Variants in NIBAN1 observed in about 807,000 individuals in gnomAD.
NIBAN1 encodes the protein niban apoptosis regulator 1.
A neutral mutation model predicts 75.1 loss-of-function variants in NIBAN1; 81 were observed. The observed-to-expected ratio is 1.08, with a 90% CI of 0.90 to 1.30. The LOEUF (loss-of-function observed/expected upper bound fraction) is 1.30. NIBAN1 is among the 50% of genes most tolerant of loss of function. The pLI, the probability that NIBAN1 is intolerant of heterozygous loss-of-function variation, is 0.00. For synonymous variants in NIBAN1, 436 were observed against 424.8 expected, an observed-to-expected ratio of 1.03 and a Z score of -0.32; for missense variants, 1,133 against 1,128.1, an observed-to-expected ratio of 1.00 and a Z score of -0.06.
chr1:184,860,078 A>T, intron 5 of NIBAN1, among the ~76,000 whole-genome samples: 1 of 152,200 alleles, frequency 6.6e-6, no homozygotes, highest in East Asian at 1.9e-4. Context: ...AAAGGCTGGA[A>T]GAATAGACCC....
At chr1:184,912,826 C>T (rs546036767) in intron 1 of NIBAN1, among the ~76,000 whole-genome samples, 67 of 152,252 alleles carry the variant, frequency 4.4e-4, no homozygotes, top group African/African-American at 1.5e-3. Flanking sequence ...ATAGCATTTA[C>T]GTGCAAACTA....
In NIBAN1 at chr1:184,831,904, G is replaced by A. The variant is rs775565377; in HGVS notation, c.660C>T (p.Phe220=). Residue 220 remains phenylalanine, a synonymous_variant, in exon 6 of 14, where the codon TTC becomes TTT. Coordinates refer to ENST00000367511, the MANE Select transcript of NIBAN1 (RefSeq NM_052966.4). ...AACCATAGTGACCCTTCTCCTGTCG[G>A]AAGAATTGCACAGCTTCTAAAAAGG... ...AQAFLEAVQF[F]RQEKGHYGSW... 13 of 1,614,098 alleles carry A rather than the reference G, an allele frequency of 8.1e-6. No individual in the cohort carries two copies. The highest frequency in any genetic ancestry group is 1.6e-4 in the Middle Eastern group (1 of 6,062).
rs79524746 is a variant in NIBAN1 at position 184,953,789 on chromosome 1, A to G, written c.55+20513T>C. Among the ~76,000 whole-genome samples, 755 of 152,364 alleles carry G rather than the reference A, an allele frequency of 5.0e-3. 5 individuals carry two copies. Among genetic ancestry groups the G allele is most frequent in the Non-Finnish European group, 8.4e-3 (572 of 68,036 alleles). On this transcript the variant is annotated intron_variant, in intron 1 of 13. Coordinates refer to ENST00000367511, the MANE Select transcript of NIBAN1 (RefSeq NM_052966.4). ...TGCTGAAACATGAAATGTGTGAGTA[A>G]GTGGGTTAGTCACTAAAGTTGTCAT...
intron 12 of NIBAN1, among the ~76,000 whole-genome samples, chr1:184,798,607 T>TC (rs1163757292): frequency 6.6e-6 from 1 of 152,240 alleles, no homozygotes; most frequent in Non-Finnish European, 1.5e-5. Flanking sequence ...TCTTTCTTTT[T>TC]TGTTTAATCA....
rs748351639 is a variant in NIBAN1 at position 184,831,884 on chromosome 1, T to C, written c.680A>G (p.Tyr227Cys). The change falls in exon 6 of 14, where the codon TAT (tyrosine) becomes TGT (cysteine). Residue 227 changes from tyrosine to cysteine, a missense_variant. Coordinates refer to ENST00000367511, the MANE Select transcript of NIBAN1 (RefSeq NM_052966.4). ...VQFFRQEKGH[Y>C]GSWEMITGDE... Reference sequence around the variant, plus strand: ...CCCAGTGATCATTTCCCAGGAACCATAGTGACCCTTCTCCTGTCGGAAGAA... The same window carrying C: ...CCCAGTGATCATTTCCCAGGAACCACAGTGACCCTTCTCCTGTCGGAAGAA... 3.1e-6 allele frequency: 5 copies of C among 1,614,046 alleles called. No individual in the cohort carries two copies. The highest frequency in any genetic ancestry group is 1.1e-5 in the South Asian group (1 of 91,084).
At chr1:184,842,626 G>A (rs569463123) in intron 5 of NIBAN1, among the ~76,000 whole-genome samples, 5 of 152,102 alleles carry the variant, frequency 3.3e-5, no homozygotes, top group Admixed American at 6.5e-5. Context: ...GGTGGCGGGC[G>A]CCTGTAATCC....
intron 1 of NIBAN1, among the ~76,000 whole-genome samples, chr1:184,908,902 T>C (rs1657170075): frequency 6.6e-6 from 1 of 152,196 alleles, no homozygotes; most frequent in African/African-American, 2.4e-5. Context: ...AAAATTAATC[T>C]GATATAGCTG....
chr1:184,883,855 G>A (rs897100107), intron 5 of NIBAN1, among the ~76,000 whole-genome samples: 22 of 152,078 alleles, frequency 1.4e-4, no homozygotes, highest in African/African-American at 4.6e-4. Context: ...AGATTACCAC[G>A]GACCGTGCCA....
intron 1 of NIBAN1, among the ~76,000 whole-genome samples, chr1:184,901,856 G>T (rs1436101269): frequency 6.6e-6 from 1 of 152,078 alleles, no homozygotes; most frequent in Non-Finnish European, 1.5e-5. Context: ...CATCCACCAG[G>T]TAGCGCTTAT....
intron 5 of NIBAN1, among the ~76,000 whole-genome samples, chr1:184,864,201 A>T (rs1557891984): frequency 6.6e-6 from 1 of 152,204 alleles, no homozygotes; most frequent in Non-Finnish European, 1.5e-5. Context: ...TCCTACGGAC[A>T]ATAATGCTGT....
intron 8 of NIBAN1, 27 bp downstream of exon 8, chr1:184,823,140 G>A: frequency 6.2e-7 from 1 of 1,609,048 alleles, no homozygotes; most frequent in Non-Finnish European, 8.5e-7. Flanking sequence ...TATTTAATTA[G>A]TAAGAGCATG....
At chr1:184,844,634 C>T (rs1354663162) in intron 5 of NIBAN1, among the ~76,000 whole-genome samples, 4 of 152,158 alleles carry the variant, frequency 2.6e-5, no homozygotes, top group African/African-American at 4.8e-5. Flanking sequence ...ATAATAGGCA[C>T]AATATAGATT....
chr1:184,817,389 G>A (rs1188885135), intron 9 of NIBAN1, among the ~76,000 whole-genome samples: 1 of 152,202 alleles, frequency 6.6e-6, no homozygotes, highest in Non-Finnish European at 1.5e-5. Flanking sequence ...TATATACCCA[G>A]TAATGGGATG....
At chr1:184,928,327 C>T (rs1291150772) in intron 1 of NIBAN1, among the ~76,000 whole-genome samples, 1 of 152,076 alleles carries the variant, frequency 6.6e-6, no homozygotes, top group Non-Finnish European at 1.5e-5. Context: ...AATGGTGATG[C>T]AAGCACTCCC....
chr1:184,919,169 G>A (rs551616469), intron 1 of NIBAN1, among the ~76,000 whole-genome samples: 3 of 152,186 alleles, frequency 2.0e-5, no homozygotes, highest in Non-Finnish European at 2.9e-5. Context: ...CAGTGATTTA[G>A]TGTGAGACAC....
chr1:184,863,061 C>T (rs777669802), intron 5 of NIBAN1, among the ~76,000 whole-genome samples: 1 of 152,128 alleles, frequency 6.6e-6, no homozygotes, highest in Non-Finnish European at 1.5e-5. Context: ...TTTAACATTA[C>T]GTCCTCCTTA....
chr1:184,854,262 G>A (rs1655618916), intron 5 of NIBAN1, among the ~76,000 whole-genome samples: 2 of 152,232 alleles, frequency 1.3e-5, no homozygotes, highest in Middle Eastern at 3.4e-3. Flanking sequence ...GGGCAGAGGA[G>A]GAGGCAATGA....
intron 5 of NIBAN1, among the ~76,000 whole-genome samples, chr1:184,865,143 C>T (rs1655919777): frequency 6.6e-6 from 1 of 152,042 alleles, no homozygotes; most frequent in Admixed American, 6.6e-5. Context: ...AAAGGGAATG[C>T]TTATACATGG....
intron 5 of NIBAN1, among the ~76,000 whole-genome samples, chr1:184,878,428 T>C (rs1014300401): frequency 2.6e-5 from 4 of 152,226 alleles, no homozygotes; most frequent in South Asian, 2.1e-4. Context: ...TTACTTAAAT[T>C]GCATGAAATC....
Sources: allele counts gnomAD v4.1 joint callset (sites outside exome capture counted in the v4.1 genomes callset), GRCh38; gene constraint gnomAD v4.1.1; transcripts MANE v1.5; gene names NCBI Gene and HGNC (gene_info 2026-07-23, HGNC 2026-07-21).